TSGA10: variants seen among roughly 807,000 people sequenced by gnomAD.
The protein encoded by TSGA10 is testis specific 10, also known as testis-specific gene 10 protein.
In TSGA10, 43 loss-of-function variants were observed where a neutral mutation model predicts 96.6. The observed-to-expected ratio is 0.44, with a 90% confidence interval of 0.35 to 0.57. The LOEUF is 0.57. Among genes scored for constraint, TSGA10 ranks in the 20% least tolerant of loss-of-function variants. TSGA10 has a pLI of 0.01. For synonymous variants in TSGA10, 229 were observed against 269.9 expected (o/e 0.85, Z 1.48); for missense variants, 703 against 834.4 (o/e 0.84, Z 1.94).
chr2:99,138,343 A>T (rs977900886), intron 1 of TSGA10, among the ~76,000 whole-genome samples: 2 of 152,186 alleles, frequency 1.3e-5, no homozygotes, highest in African/African-American at 4.8e-5. Flanking sequence ...CACTACTTGA[A>T]ATTATATCAT....
chr2:99,099,696 T>G (rs1370378144), intron 10 of TSGA10, among the ~76,000 whole-genome samples: 11 of 152,092 alleles, frequency 7.2e-5, no homozygotes, highest in Admixed American at 7.2e-4. Flanking sequence ...AGAAATATAT[T>G]GAATAGTTAA....
In TSGA10 at chr2:99,081,269, GA is replaced by G. The variant is rs1226885634; in HGVS notation, c.727+12del. On this transcript the variant is annotated intron_variant, in intron 11 of 20. Coordinates refer to ENST00000393483, the MANE Select transcript of TSGA10 (RefSeq NM_025244.4). ...AGAAAAACTAAAAGTAATATTAAGA[GA>G]AAAAAACTCACCAATTTTTTCATCC... is the stretch of plus-strand genomic sequence containing the variant. The G allele has an allele frequency of 1.2e-5, 18 of 1,443,750 alleles. No homozygotes were observed. Among genetic ancestry groups the G allele is most frequent in the East Asian group, 6.9e-5 (3 of 43,382 alleles). The allele number at this position is 1,443,750 out of a possible 1,614,324, so 89.4% of individuals were successfully genotyped here.
intron 10 of TSGA10, among the ~76,000 whole-genome samples, chr2:99,094,209 A>T (rs1395941181): frequency 1.3e-5 from 2 of 152,206 alleles, no homozygotes; most frequent in African/African-American, 4.8e-5. Context: ...CATGTAGAAG[A>T]ATGAAACTGG....
At chr2:99,108,647 C>T (rs2091551923) in intron 7 of TSGA10, among the ~76,000 whole-genome samples, 186 bp downstream of exon 7, 1 of 152,038 alleles carries the variant, frequency 6.6e-6, no homozygotes, top group Non-Finnish European at 1.5e-5. Flanking sequence ...TACGTGTGTA[C>T]TCACATACCT....
intron 20 of TSGA10, among the ~76,000 whole-genome samples, chr2:99,000,096 G>T (rs1480197700): frequency 1.3e-5 from 2 of 152,186 alleles, no homozygotes; most frequent in East Asian, 3.9e-4. Context: ...AAATGGCAGG[G>T]TGTGGTGGCT....
chr2:99,151,018 TTTAGGG>T (rs2093688446), intron 1 of TSGA10: 2 of 465,378 alleles, frequency 4.3e-6, no homozygotes. Context: ...AGGCAGTTGC[TTTAGGG>T]TGAAAAAGCC....
intron 10 of TSGA10, among the ~76,000 whole-genome samples, chr2:99,090,298 A>T (rs1031328028): frequency 6.6e-6 from 1 of 152,208 alleles, no homozygotes; most frequent in African/African-American, 2.4e-5. Context: ...CCTCTGACAT[A>T]GCCTACCCAA....
intron 17 of TSGA10, among the ~76,000 whole-genome samples, chr2:99,028,235 TA>T (rs1183406173): frequency 6.6e-6 from 1 of 152,248 alleles, no homozygotes; most frequent in Non-Finnish European, 1.5e-5. Flanking sequence ...TTTATTTTGA[TA>T]ATCAACTGTG....
chr2:99,079,321 G>GA (rs762211588), intron 11 of TSGA10, among the ~76,000 whole-genome samples: 8 of 151,716 alleles, frequency 5.3e-5, no homozygotes, highest in Non-Finnish European at 7.4e-5. Flanking sequence ...AAATTCCTAG[G>GA]AAAAAAAATC....
chr2:99,135,902 G>A (rs896829242), intron 1 of TSGA10, among the ~76,000 whole-genome samples: 3 of 151,686 alleles, frequency 2.0e-5, no homozygotes, highest in African/African-American at 2.4e-5. Context: ...CCAGCTACTC[G>A]AGAGGCTGAG....
intron 20 of TSGA10, among the ~76,000 whole-genome samples, chr2:99,005,319 G>C (rs1462432368): frequency 1.3e-5 from 2 of 152,118 alleles, no homozygotes; most frequent in African/African-American, 4.8e-5. Flanking sequence ...AAGAAACAAA[G>C]GGTATTCAAA....
chr2:99,131,955 C>T (rs1336456543), intron 1 of TSGA10, among the ~76,000 whole-genome samples: 1 of 152,096 alleles, frequency 6.6e-6, no homozygotes, highest in Non-Finnish European at 1.5e-5. Flanking sequence ...CATACAACTT[C>T]ATCCCAGGGA....
chr2:99,119,360 G>A (rs1419580232), intron 2 of TSGA10, among the ~76,000 whole-genome samples: 4 of 151,878 alleles, frequency 2.6e-5, no homozygotes, highest in Non-Finnish European at 5.9e-5. Flanking sequence ...GCAAATTTGA[G>A]GTCATTCCTA....
chr2:99,011,226 G>A (rs940668588), intron 20 of TSGA10, among the ~76,000 whole-genome samples: 2 of 152,112 alleles, frequency 1.3e-5, no homozygotes, highest in African/African-American at 4.8e-5. Context: ...TCCGACACCC[G>A]GGTTCAAGCG....
chr2:99,002,847 C>A (rs2078059219), intron 20 of TSGA10, among the ~76,000 whole-genome samples: 1 of 151,792 alleles, frequency 6.6e-6, no homozygotes, highest in Non-Finnish European at 1.5e-5. Flanking sequence ...CAATCCTAGT[C>A]TCTGATAAAA....
chr2:99,137,056 T>C (rs1295898986), intron 1 of TSGA10, among the ~76,000 whole-genome samples: 2 of 147,658 alleles, frequency 1.4e-5, no homozygotes, highest in African/African-American at 2.5e-5. Flanking sequence ...TGGAGTGCAG[T>C]GGTATGATCT....
rs149559651 is a variant in TSGA10, at chr2:99,106,237, C to T, written c.211-540G>A. Among the ~76,000 whole-genome samples the T allele has an allele frequency of 6.1e-4, 93 of 152,230 alleles. 4 individuals are homozygous for T. In the East Asian group the frequency reaches 0.016, roughly 26 times the overall value. On this transcript the variant is annotated intron_variant, in intron 7 of 20. Transcript: ENST00000393483. ...CTGCAGATTATTTAATATCACAGTTCGCTGCACAGGTCTCTTTTCCTCTTG... is the reference window on the plus strand; with the variant it reads ...CTGCAGATTATTTAATATCACAGTTTGCTGCACAGGTCTCTTTTCCTCTTG...
intron 1 of TSGA10, among the ~76,000 whole-genome samples, chr2:99,128,631 A>G (rs2105007760): frequency 6.6e-6 from 1 of 152,258 alleles, no homozygotes; most frequent in African/African-American, 2.4e-5. Context: ...GTAATTTCTG[A>G]TTTATTTGAA....
At chr2:99,018,683 A>G (rs1210970552) in intron 18 of TSGA10, 43 bp from the exon 19 acceptor site, 7 of 1,520,804 alleles carry the variant, frequency 4.6e-6, no homozygotes, top group Non-Finnish European at 6.3e-6. Flanking sequence ...TAAACTTAAA[A>G]TATGGCTATG....
Sources: gnomAD v4.1 joint callset for allele counts (sites outside exome capture counted in the v4.1 genomes callset) on GRCh38, gnomAD v4.1.1 for gene constraint, MANE v1.5 for transcripts, NCBI Gene and HGNC (gene_info 2026-07-23, HGNC 2026-07-21) for gene names.